The following SPAG16 variants were observed in gnomAD, a reference collection of about 807,000 sequenced individuals.
The protein encoded by SPAG16 is sperm associated antigen 16.
Under a neutral mutation model 80.4 loss-of-function variants are expected in SPAG16, and 86 were observed. The observed-to-expected ratio is 1.07, with a 90% CI of 0.90 to 1.28. SPAG16 has a LOEUF of 1.28. SPAG16 is among the 50% of genes most tolerant of loss of function. The pLI is 0.00. For synonymous variants in SPAG16, 294 were observed against 265.9 expected, an observed-to-expected ratio of 1.11 and a Z score of -1.03; for missense variants, 870 against 765.3, an observed-to-expected ratio of 1.14 and a Z score of -1.61.
chr2:213,368,710 A>T (rs1184968371), intron 8 of SPAG16, among the ~76,000 whole-genome samples: 1 of 152,242 alleles, frequency 6.6e-6, no homozygotes, highest in African/African-American at 2.4e-5. Context: ...AAGCAACTTC[A>T]GCAAAGTCTC....
intron 1 of SPAG16, chr2:213,286,009 A>G: frequency 1.1e-6 from 1 of 879,758 alleles, no homozygotes; most frequent in South Asian, 1.4e-5. Context: ...ACAATGAGGT[A>G]ACTTTTTGCA....
At chr2:213,543,091 A>C (rs1426138598) in intron 10 of SPAG16, among the ~76,000 whole-genome samples, 1 of 152,104 alleles carries the variant, frequency 6.6e-6, no homozygotes, top group African/African-American at 2.4e-5. Flanking sequence ...AGAAAGTATT[A>C]AGAACAATTT....
intron 9 of SPAG16, among the ~76,000 whole-genome samples, chr2:213,484,053 T>C (rs887425011): frequency 1.3e-5 from 2 of 152,146 alleles, no homozygotes; most frequent in Non-Finnish European, 2.9e-5. Flanking sequence ...TCTAAGTGAA[T>C]GTTTATGGTT....
intron 10 of SPAG16, among the ~76,000 whole-genome samples, chr2:213,687,641 C>G (rs1445991704): frequency 6.6e-6 from 1 of 152,018 alleles, no homozygotes; most frequent in Non-Finnish European, 1.5e-5. Flanking sequence ...TGATCTTTGT[C>G]TTTTGTAAAG....
chr2:214,336,506 A>G (rs1697299545), intron 15 of SPAG16, among the ~76,000 whole-genome samples: 3 of 152,178 alleles, frequency 2.0e-5, no homozygotes, highest in African/African-American at 7.2e-5. Flanking sequence ...AAGAACACAA[A>G]TGAAACTAGC....
At chr2:214,175,318 A>T (rs1448521249) in intron 15 of SPAG16, among the ~76,000 whole-genome samples, 1 of 146,136 alleles carries the variant, frequency 6.8e-6, no homozygotes, top group African/African-American at 2.5e-5. Context: ...TATATAAAGA[A>T]ATATATATAT....
intron 11 of SPAG16, among the ~76,000 whole-genome samples, chr2:213,912,472 T>G (rs2077720352): frequency 6.6e-6 from 1 of 152,228 alleles, no homozygotes; most frequent in Non-Finnish European, 1.5e-5. Context: ...ATCAAAATTA[T>G]TTTTGTAAAT....
At chr2:214,371,683 T>C (rs1372362557) in intron 15 of SPAG16, among the ~76,000 whole-genome samples, 1 of 55,690 alleles carries the variant, frequency 1.8e-5, no homozygotes, top group Non-Finnish European at 4.3e-5. Context: ...TTATAGATAA[T>C]AATTTTTTTT....
chr2:214,384,612 G>T (rs1303353094), intron 15 of SPAG16, among the ~76,000 whole-genome samples: 1 of 152,092 alleles, frequency 6.6e-6, no homozygotes, highest in Non-Finnish European at 1.5e-5. Flanking sequence ...TGTCCTCCTG[G>T]ATAAACAATC....
intron 15 of SPAG16, among the ~76,000 whole-genome samples, chr2:214,386,467 G>A (rs2126118341): frequency 1.3e-5 from 2 of 152,182 alleles, no homozygotes; most frequent in Admixed American, 1.3e-4. Flanking sequence ...TTTTCTCTGT[G>A]GAGTCAGCTA....
At chr2:213,796,350 C>A (rs1460844776) in intron 10 of SPAG16, among the ~76,000 whole-genome samples, 1 of 152,122 alleles carries the variant, frequency 6.6e-6, no homozygotes, top group East Asian at 1.9e-4. Flanking sequence ...TACTTTCTAT[C>A]TCTCTATATT....
intron 9 of SPAG16, among the ~76,000 whole-genome samples, chr2:213,436,943 G>A (rs916201124): frequency 4.7e-5 from 7 of 149,914 alleles, no homozygotes; most frequent in Admixed American, 2.7e-4. Context: ...ATGGAGTCTC[G>A]CTCTGTCACC....
intron 15 of SPAG16, among the ~76,000 whole-genome samples, chr2:214,329,829 T>TA (rs1421237949): frequency 1.3e-5 from 2 of 151,990 alleles, no homozygotes; most frequent in Non-Finnish European, 2.9e-5. Context: ...CACAAGACTA[T>TA]AAAAAAATGC....
chr2:214,045,744 T>C (rs2049285188), intron 13 of SPAG16, among the ~76,000 whole-genome samples: 1 of 152,086 alleles, frequency 6.6e-6, no homozygotes, highest in South Asian at 2.1e-4. Context: ...TTTAAGTGCC[T>C]ACATCAAAAA....
chr2:213,517,315 C>T (rs188470908), intron 10 of SPAG16, among the ~76,000 whole-genome samples: 2 of 152,216 alleles, frequency 1.3e-5, no homozygotes, highest in African/African-American at 4.8e-5. Context: ...AGAGATGACA[C>T]AAATAAAGAG....
chr2:213,772,720 G>T (rs2069325869), intron 10 of SPAG16, among the ~76,000 whole-genome samples: 1 of 151,436 alleles, frequency 6.6e-6, no homozygotes, highest in African/African-American at 2.4e-5. Flanking sequence ...GTTTGTTTGG[G>T]CTACTTTAGA....
chr2:213,850,585 T>C (rs531040613), intron 10 of SPAG16, among the ~76,000 whole-genome samples: 8 of 152,330 alleles, frequency 5.3e-5, no homozygotes, highest in African/African-American at 1.7e-4. Context: ...GCAGGACCTC[T>C]CTGGAATGAA....
intron 11 of SPAG16, among the ~76,000 whole-genome samples, chr2:213,865,450 G>C (rs1269686591): frequency 6.6e-6 from 1 of 151,528 alleles, no homozygotes; most frequent in Admixed American, 6.6e-5. Flanking sequence ...CGAAGTTTAT[G>C]AGATGTATCC....
At chr2:213,886,085 C>T (rs1262255487) in intron 11 of SPAG16, among the ~76,000 whole-genome samples, 1 of 151,974 alleles carries the variant, frequency 6.6e-6, no homozygotes, top group Non-Finnish European at 1.5e-5. Context: ...CAAAGCATGC[C>T]TGTTTTGGTT....
Sources: gnomAD v4.1 joint callset for allele counts (sites outside exome capture counted in the v4.1 genomes callset) on GRCh38, gnomAD v4.1.1 for gene constraint, MANE v1.5 for transcripts, NCBI Gene and HGNC (gene_info 2026-07-23, HGNC 2026-07-21) for gene names.